ZFAT: variants seen among roughly 807,000 people sequenced by gnomAD.
ZFAT encodes zinc finger protein ZFAT.
Under a neutral mutation model 117.7 loss-of-function variants are expected in ZFAT, and 64 were observed. The ratio of observed to expected loss-of-function variants is 0.54; its 90% CI spans 0.44 to 0.67. ZFAT has a LOEUF of 0.67. Among genes scored for constraint, ZFAT ranks in the 30% least tolerant of loss-of-function variants. The pLI is 0.00. For missense variants in ZFAT, 1,433 were observed against 1,584.5 expected (o/e 0.90, Z 1.62); for synonymous variants, 679 against 615.0 (o/e 1.10, Z -1.54).
At chr8:134,781,763 C>G in the ZFAT span, among the ~76,000 whole-genome samples, 1 of 152,170 alleles carries the variant, frequency 6.6e-6, no homozygotes, top group Non-Finnish European at 1.5e-5. Flanking sequence ...TCTTCCTCCC[C>G]CTCCTCAGCC....
chr8:134,614,993 T>C (rs1406187143), intron 3 of ZFAT, among the ~76,000 whole-genome samples: 1 of 151,808 alleles, frequency 6.6e-6, no homozygotes, highest in Non-Finnish European at 1.5e-5. Flanking sequence ...GTGAAAAATA[T>C]GAGAGATAGT....
chr8:134,643,238 C>G (rs1314176278), intron 2 of ZFAT, among the ~76,000 whole-genome samples: 1 of 152,214 alleles, frequency 6.6e-6, no homozygotes, highest in African/African-American at 2.4e-5. Flanking sequence ...ATGGCAGAAT[C>G]AGGAATTGAA....
chr8:134,620,253 A>C (rs1368448672), intron 3 of ZFAT, among the ~76,000 whole-genome samples: 5 of 152,198 alleles, frequency 3.3e-5, no homozygotes, highest in Non-Finnish European at 7.3e-5. Context: ...GCTGTGCTAA[A>C]GGCTGAGGTA....
At chr8:134,567,621 G>A (rs546079189) in intron 10 of ZFAT, among the ~76,000 whole-genome samples, 3 of 152,120 alleles carry the variant, frequency 2.0e-5, no homozygotes, top group Non-Finnish European at 4.4e-5. Flanking sequence ...CCCAACTTCA[G>A]AGCAAAGTTG....
chr8:134,798,427 G>A, the ZFAT span, among the ~76,000 whole-genome samples: 1 of 151,948 alleles, frequency 6.6e-6, no homozygotes, highest in Non-Finnish European at 1.5e-5. Context: ...CAGAAAATAT[G>A]TGATTAGAAT....
the ZFAT span, among the ~76,000 whole-genome samples, chr8:134,789,276 T>G: frequency 2.5e-4 from 38 of 152,312 alleles, no homozygotes; most frequent in Non-Finnish European, 5.3e-4. Context: ...CAAACTCCAG[T>G]ACAAACTTCT....
At chr8:134,525,530 G>A (rs11994231) in intron 12 of ZFAT, among the ~76,000 whole-genome samples, 50,865 of 152,056 alleles carry the variant, frequency 0.33, 9,621 homozygotes, top group African/African-American at 0.52. Context: ...CCCACATTTA[G>A]TCATCTCCCA....
At chr8:134,714,827 A>T (rs972466005), upstream of ZFAT, among the ~76,000 whole-genome samples, 1 of 151,898 alleles carries the variant, frequency 6.6e-6, no homozygotes, top group Non-Finnish European at 1.5e-5. Context: ...CACCACATCT[A>T]AAATGTACCC....
At chr8:134,495,401 A>AC (rs1818360920) in intron 15 of ZFAT, among the ~76,000 whole-genome samples, 3 of 152,062 alleles carry the variant, frequency 2.0e-5, no homozygotes, top group Admixed American at 2.0e-4. Context: ...CTCCCAAAGA[A>AC]CCCATCTCCA....
At chr8:134,549,663 T>C (rs2130687941) in intron 11 of ZFAT, among the ~76,000 whole-genome samples, 1 of 152,092 alleles carries the variant, frequency 6.6e-6, no homozygotes, top group East Asian at 1.9e-4. Context: ...ACCAAGACTG[T>C]AAATTACAAG....
chr8:134,609,170 A>G (rs1333536119), intron 4 of ZFAT, among the ~76,000 whole-genome samples: 1 of 151,910 alleles, frequency 6.6e-6, no homozygotes, highest in Admixed American at 6.6e-5. Context: ...ACACACACAT[A>G]TACATATATA....
intron 2 of ZFAT, among the ~76,000 whole-genome samples, chr8:134,654,504 G>C (rs1040461865): frequency 3.9e-5 from 6 of 152,272 alleles, no homozygotes; most frequent in African/African-American, 1.4e-4. Flanking sequence ...ACCTCCAGCT[G>C]TTCGGCTATA....
At chr8:134,667,680 G>A (rs1024816420) in intron 1 of ZFAT, among the ~76,000 whole-genome samples, 1 of 152,016 alleles carries the variant, frequency 6.6e-6, no homozygotes, top group Admixed American at 6.5e-5. Flanking sequence ...CTCCCAGCAT[G>A]AGCGACACAG....
At chr8:134,691,437 T>TCA (rs928979074) in intron 1 of ZFAT, among the ~76,000 whole-genome samples, 8 of 152,228 alleles carry the variant, frequency 5.3e-5, no homozygotes, top group Non-Finnish European at 1.0e-4. Flanking sequence ...GCAGGTCCAT[T>TCA]CACACACATG....
chr8:134,708,011 G>A (rs1242453991), intron 1 of ZFAT, among the ~76,000 whole-genome samples: 1 of 148,564 alleles, frequency 6.7e-6, no homozygotes, highest in African/African-American at 2.5e-5. Context: ...TTATTCAGCT[G>A]TAAAAAAGAA....
At chr8:134,831,750 A>C in the ZFAT span, among the ~76,000 whole-genome samples, 1 of 145,988 alleles carries the variant, frequency 6.8e-6, no homozygotes, top group Non-Finnish European at 1.5e-5. Context: ...GCTGCACTCC[A>C]GGGCCGCACC....
chr8:134,597,625 C>A (rs1827062795), intron 7 of ZFAT: 1 of 152,144 alleles, frequency 6.6e-6, no homozygotes, highest in South Asian at 2.1e-4. Context: ...TGTTTAGCTC[C>A]CCCTTCACAA....
chr8:134,592,634 T>A (rs1826593235), intron 7 of ZFAT, among the ~76,000 whole-genome samples: 1 of 152,204 alleles, frequency 6.6e-6, no homozygotes, highest in Non-Finnish European at 1.5e-5. Flanking sequence ...TCTCCTATAG[T>A]GAGTGCTCAA....
chr8:134,537,199 C>T (rs1821905743), intron 11 of ZFAT, among the ~76,000 whole-genome samples: 1 of 152,202 alleles, frequency 6.6e-6, no homozygotes, highest in Non-Finnish European at 1.5e-5. Context: ...CTCATTTTTA[C>T]AGGTAAGGAA....
Sources: gnomAD v4.1 joint callset for allele counts (sites outside exome capture counted in the v4.1 genomes callset) on GRCh38, gnomAD v4.1.1 for gene constraint, MANE v1.5 for transcripts, NCBI Gene and HGNC (gene_info 2026-07-23, HGNC 2026-07-21) for gene names.